The following PRKACB variants were observed in gnomAD, a reference collection of about 807,000 sequenced individuals.
PRKACB encodes the protein protein kinase cAMP-activated catalytic subunit beta.
Under a neutral mutation model 51.4 loss-of-function variants are expected in PRKACB, and 16 were observed. The ratio of observed to expected loss-of-function variants is 0.31; its 90% CI spans 0.21 to 0.47. PRKACB has a LOEUF of 0.47. PRKACB is among the 20% of genes least tolerant of loss of function. PRKACB has a pLI of 1.00. For missense variants in PRKACB, 309 were observed against 464.5 expected (o/e 0.67, Z 3.08); for synonymous variants, 147 against 154.4 (o/e 0.95, Z 0.35).
At chr1:84,128,725 A>T (rs894499848) in intron 1 of PRKACB, among the ~76,000 whole-genome samples, 2 of 152,200 alleles carry the variant, frequency 1.3e-5, no homozygotes, top group African/African-American at 4.8e-5. Flanking sequence ...CGTTCAGCAG[A>T]AGAGGAAACC....
chr1:84,144,338 T>G lies in PRKACB; in HGVS notation c.-24T>G. 6.2e-7 allele frequency: 1 copy of G among 1,604,922 alleles called. No homozygotes were observed. Among genetic ancestry groups the G allele is most frequent in the Non-Finnish European group, 8.5e-7 (1 of 1,177,244 alleles). ...CTTCTGGAAACATTTGCAGTTACAT[T>G]AAGTAAAGTGTAAATGCACATGAAT... On this transcript the variant is annotated 5_prime_UTR_variant, in exon 1 of 10. The change creates a new upstream start codon in the 5' untranslated region. Transcript: ENST00000370685.
intron 1 of PRKACB, among the ~76,000 whole-genome samples, chr1:84,096,837 C>A (rs1310560012): frequency 6.6e-6 from 1 of 151,958 alleles, no homozygotes; most frequent in African/African-American, 2.4e-5. Context: ...CTCATATAAT[C>A]GTGACTAGAT....
rs1571717121 is a variant in PRKACB, at chr1:84,131,495, A to T, written c.47-47682A>T. 3.9e-5 allele frequency among the ~76,000 whole-genome samples: 6 copies of T among 152,340 alleles called. 1 individual carries two copies. The highest frequency in any genetic ancestry group is 3.9e-4 in the Admixed American group (6 of 15,300). Reference sequence around the variant, plus strand: ...AAAGAAGGCAGAGAATGAGAAATGGAAGTGAAAAACAGAGAGAAGAGACTC... The same window carrying T: ...AAAGAAGGCAGAGAATGAGAAATGGTAGTGAAAAACAGAGAGAAGAGACTC... On this transcript the variant is annotated intron_variant, in intron 1 of 8. Coordinates refer to the PRKACB transcript ENST00000370688.
chr1:84,202,707 T>C lies in PRKACB; in HGVS notation c.808T>C (p.Trp270Arg). 1 of 1,610,014 alleles carries C rather than the reference T, an allele frequency of 6.2e-7. No homozygotes were observed. Among genetic ancestry groups the C allele is most frequent in the Non-Finnish European group, 8.5e-7 (1 of 1,177,262 alleles). ...GGGCTACAATAAGGCAGTGGATTGG[T>C]GGGCATTAGGAGTGCTAATCTATGA... The part of the protein sequence containing the change: ...SKGYNKAVDW[W>R]ALGVLIYEMA... The change falls in exon 8 of 10, where the codon TGG becomes CGG. Residue 270 changes from tryptophan to arginine, a missense_variant. Coordinates refer to ENST00000370685, the MANE Select transcript of PRKACB (RefSeq NM_182948.4).
At chr1:84,136,845 C>T (rs1018896825) in intron 1 of PRKACB, among the ~76,000 whole-genome samples, 2 of 152,158 alleles carry the variant, frequency 1.3e-5, no homozygotes, top group African/African-American at 4.8e-5. Context: ...GGCTTTGTGT[C>T]ACCACCCAAA....
intron 1 of PRKACB, among the ~76,000 whole-genome samples, chr1:84,147,303 T>G (rs1253170090): frequency 6.6e-6 from 1 of 152,056 alleles, no homozygotes; most frequent in Non-Finnish European, 1.5e-5. Flanking sequence ...GTGGTTACAG[T>G]AGACCACTTC....
Position 84,214,142 on chromosome 1 carries a change from T to C in PRKACB, c.907-11T>C, listed in dbSNP as rs376344710. On this transcript the variant is annotated splice_polypyrimidine_tract_variant and intron_variant, in intron 8 of 9. Coordinates refer to ENST00000370685, the MANE Select transcript of PRKACB (RefSeq NM_182948.4). Reference sequence around the variant, plus strand: ...AGAATGTGTGTTTTACCAAATGGTGTGTTTGTGTAGGTCCGATTCCCATCC... The same window carrying C: ...AGAATGTGTGTTTTACCAAATGGTGCGTTTGTGTAGGTCCGATTCCCATCC... The C allele has an allele frequency of 6.3e-7, 1 of 1,591,282 alleles. No individual in the cohort carries two copies. The highest frequency in any genetic ancestry group is 1.4e-5 in the African/African-American group (1 of 73,554).
At chr1:84,091,448 C>T (rs541652105) in intron 1 of PRKACB, among the ~76,000 whole-genome samples, 1 of 152,136 alleles carries the variant, frequency 6.6e-6, no homozygotes, top group African/African-American at 2.4e-5. Flanking sequence ...AATCTTTGAC[C>T]TAACAATTTC....
intron 1 of PRKACB, among the ~76,000 whole-genome samples, chr1:84,120,561 T>C (rs572449384): frequency 1.3e-5 from 2 of 152,226 alleles, no homozygotes; most frequent in Non-Finnish European, 2.9e-5. Context: ...CAAAAAATAG[T>C]CTGGAAGAGT....
intron 1 of PRKACB, among the ~76,000 whole-genome samples, chr1:84,113,806 AAGT>A (rs1242247909): frequency 6.6e-6 from 1 of 152,184 alleles, no homozygotes; most frequent in Non-Finnish European, 1.5e-5. Flanking sequence ...TAGATACAGA[AAGT>A]AGACTGATGC....
intron 1 of PRKACB, among the ~76,000 whole-genome samples, chr1:84,148,831 A>G (rs908310323): frequency 1.3e-5 from 2 of 152,208 alleles, no homozygotes; most frequent in African/African-American, 4.8e-5. Context: ...TAGCAATGCA[A>G]GTACTATATC....
chr1:84,139,391 G>A (rs1261981543), upstream of PRKACB, among the ~76,000 whole-genome samples: 3 of 152,236 alleles, frequency 2.0e-5, no homozygotes, highest in African/African-American at 7.2e-5. Flanking sequence ...AAAAGTAATA[G>A]AGGTTTTTGC....
At chr1:84,213,588 A>G (rs1326621364) in intron 8 of PRKACB, among the ~76,000 whole-genome samples, 1 of 152,166 alleles carries the variant, frequency 6.6e-6, no homozygotes, top group Non-Finnish European at 1.5e-5. Context: ...TCATTTTTAT[A>G]CTGTTGCATA....
intron 1 of PRKACB, among the ~76,000 whole-genome samples, chr1:84,138,096 T>C (rs898066152): frequency 6.6e-6 from 1 of 152,176 alleles, no homozygotes; most frequent in African/African-American, 2.4e-5. Context: ...CATTCTCCAG[T>C]AAAAGGAACT....
At chr1:84,103,729 A>G (rs979447291) in intron 1 of PRKACB, among the ~76,000 whole-genome samples, 1 of 152,184 alleles carries the variant, frequency 6.6e-6, no homozygotes, top group African/African-American at 2.4e-5. Context: ...ATTGTTTGAA[A>G]ACTAAGTTTG....
chr1:84,186,997 T>C (rs1314454520), intron 5 of PRKACB, among the ~76,000 whole-genome samples: 1 of 152,136 alleles, frequency 6.6e-6, no homozygotes, highest in Non-Finnish European at 1.5e-5. Flanking sequence ...CAAATGATAG[T>C]ACAAAAAAAT....
intron 1 of PRKACB, chr1:84,078,509 G>T: frequency 1.0e-6 from 1 of 961,308 alleles, no homozygotes; most frequent in Middle Eastern, 3.3e-4. Context: ...TGGGGGGCCG[G>T]GAGACCAGCT....
At chr1:84,163,144 C>T (rs1352791299) in intron 1 of PRKACB, among the ~76,000 whole-genome samples, 1 of 152,024 alleles carries the variant, frequency 6.6e-6, no homozygotes, top group Non-Finnish European at 1.5e-5. Flanking sequence ...TGGGACCAGC[C>T]AGTGCTGATG....
Position 84,197,398 on chromosome 1 carries a change from G to A in PRKACB, c.688-331G>A, listed in dbSNP as rs368553401. On this transcript the variant is annotated intron_variant, in intron 6 of 9. Coordinates refer to ENST00000370685, the MANE Select transcript of PRKACB (RefSeq NM_182948.4). Reference sequence around the variant, plus strand: ...CACATTGGGGTAAGGCAGACATTTAGCATTGTTTCATTTTTATTAATGCTA... The same window carrying A: ...CACATTGGGGTAAGGCAGACATTTAACATTGTTTCATTTTTATTAATGCTA... Among the ~76,000 whole-genome samples the A allele has an allele frequency of 2.6e-4, 40 of 152,208 alleles. 1 individual carries two copies. The South Asian group carries it at 6.2e-3, about 24-fold the overall frequency.
Sources: allele counts gnomAD v4.1 joint callset (sites outside exome capture counted in the v4.1 genomes callset), GRCh38; gene constraint gnomAD v4.1.1; transcripts MANE v1.5; gene names NCBI Gene and HGNC (gene_info 2026-07-23, HGNC 2026-07-21).